The following CELSR1 variants were observed in gnomAD, a reference collection of about 807,000 sequenced individuals.
CELSR1 encodes the protein cadherin EGF LAG seven-pass G-type receptor 1, also known as adhesion G protein-coupled receptor C1.
In CELSR1, 110 loss-of-function variants were observed where a neutral mutation model predicts 249.1. That is an observed-to-expected ratio of 0.44 (90% CI 0.38 to 0.52). The LOEUF (loss-of-function observed/expected upper bound fraction) is 0.52. CELSR1 is among the 20% of genes least tolerant of loss of function. The pLI is 0.00. For missense variants in CELSR1, 4,109 were observed against 4,296.4 expected, an observed-to-expected ratio of 0.96 and a Z score of 1.22; for synonymous variants, 2,113 against 1,900.0, an observed-to-expected ratio of 1.11 and a Z score of -2.92.
intron 5 of CELSR1, among the ~76,000 whole-genome samples, chr22:46,432,448 G>A (rs1006539007): frequency 3.3e-5 from 5 of 152,228 alleles, no homozygotes; most frequent in African/African-American, 9.6e-5. Context: ...TCCGGGAAGC[G>A]GGGCACAGCG....
chr22:46,493,442 A>G (rs2080386284), intron 1 of CELSR1, among the ~76,000 whole-genome samples: 1 of 151,534 alleles, frequency 6.6e-6, no homozygotes, highest in African/African-American at 2.4e-5. Flanking sequence ...GCTACTTGGG[A>G]GGCTGAGGTA....
rs2147216016 is a variant in CELSR1 at position 46,380,894 on chromosome 22, C to A, written c.7150G>T (p.Ala2384Ser). The change falls in exon 22 of 35, where the codon GCT becomes TCT. Residue 2384 changes from alanine to serine, a missense_variant. Physicochemically the swap from Ala to Ser is moderately conservative, Grantham distance 99 (BLOSUM62 1). Transcript: ENST00000674500. The surrounding 1 kb of genome is among the most constrained non-coding windows in gnomAD (Gnocchi z 5.1). Reference sequence around the variant, plus strand: ...CTCTCCAGGGGTCTCGGGAGCGGAGCCCCCTCGCTGTACACCAGCGTGCTC... The same window carrying A: ...CTCTCCAGGGGTCTCGGGAGCGGAGACCCCTCGCTGTACACCAGCGTGCTC... ...MVSTLVYSEG[A>S]PLPRPLERPV... 1 of 1,613,452 alleles carries A rather than the reference C, an allele frequency of 6.2e-7. No individual in the cohort carries two copies. The highest frequency in any genetic ancestry group is 1.7e-4 in the Middle Eastern group (1 of 6,050).
intron 1 of CELSR1, among the ~76,000 whole-genome samples, chr22:46,478,084 A>G (rs1231434429): frequency 6.6e-6 from 1 of 152,140 alleles, no homozygotes; most frequent in African/African-American, 2.4e-5. Flanking sequence ...TGATCACCCA[A>G]ACCTCTGGAC....
chr22:46,530,270 TACAC>T (rs557384645), intron 1 of CELSR1: 2 of 151,188 alleles, frequency 1.3e-5, no homozygotes, highest in South Asian at 1.9e-4. Flanking sequence ...CCCTGTCTCA[TACAC>T]ACACACACAC....
chr22:46,392,348 C>T (rs377322730), intron 14 of CELSR1, among the ~76,000 whole-genome samples: 91 of 152,226 alleles, frequency 6.0e-4, no homozygotes, highest in African/African-American at 2.2e-3. Flanking sequence ...AACCCCGCCC[C>T]GGAAAACGGG....
chr22:46,467,694 C>T lies in CELSR1; in HGVS notation c.3545-3349G>A, dbSNP rs189826576. Among the ~76,000 whole-genome samples the T allele has an allele frequency of 3.5e-3, 537 of 151,630 alleles. 13 individuals carry two copies. The highest frequency in any genetic ancestry group is 0.033 in the Admixed American group (507 of 15,220). On this transcript the variant is annotated intron_variant, in intron 1 of 34. Transcript: ENST00000674500. ...AAAATTAGCCAGGCATGGTGGCAGGCGCCTGTAGTCCCAGCTACTCAGGAG... is the reference window on the plus strand; with the variant it reads ...AAAATTAGCCAGGCATGGTGGCAGGTGCCTGTAGTCCCAGCTACTCAGGAG...
rs2079843562 is a variant in CELSR1, at chr22:46,448,284, G to A, written c.4184-8873C>T. Among the ~76,000 whole-genome samples the A allele has an allele frequency of 6.6e-6, 1 of 152,208 alleles. No homozygotes were observed. Among genetic ancestry groups the A allele is most frequent in the South Asian group, 2.1e-4 (1 of 4,832 alleles). ...AAGCCCAGGGAAGACAGAGGGCATGGGGGTGGGGGCAGAGGGCCCACGCGA... is the reference window on the plus strand; with the variant it reads ...AAGCCCAGGGAAGACAGAGGGCATGAGGGTGGGGGCAGAGGGCCCACGCGA... On this transcript the variant is annotated intron_variant, in intron 2 of 34. Coordinates refer to ENST00000674500, the MANE Select transcript of CELSR1 (RefSeq NM_001378328.1). The surrounding 1 kb of genome is among the most constrained non-coding windows in gnomAD (Gnocchi z 5.7).
chr22:46,424,230 G>C (rs896242535), intron 5 of CELSR1, among the ~76,000 whole-genome samples: 3 of 88,488 alleles, frequency 3.4e-5, no homozygotes, highest in Non-Finnish European at 8.5e-5. Flanking sequence ...CACACACCCG[G>C]CTAATTTTTT....
At chr22:46,384,448 T>C in intron 20 of CELSR1, 95 bp downstream of exon 20, 1 of 1,391,126 alleles carries the variant, frequency 7.2e-7, no homozygotes, top group South Asian at 1.5e-5. Context: ...GCCCAGATCT[T>C]CAGTGCGCAG....
At chr22:46,388,143 G>A (rs1169520212) in intron 18 of CELSR1, among the ~76,000 whole-genome samples, 6 of 152,172 alleles carry the variant, frequency 3.9e-5, no homozygotes, top group Non-Finnish European at 8.8e-5. Flanking sequence ...GAGGTCAGGA[G>A]TTCGAGACCA....
chr22:46,367,184 C>T, intron 28 of CELSR1, 66 bp from the exon 29 acceptor site: 3 of 1,565,268 alleles, frequency 1.9e-6, no homozygotes, highest in Non-Finnish European at 2.6e-6. Flanking sequence ...TTAGGCGCCC[C>T]AGCACAGATG....
In CELSR1 at chr22:46,389,471, T is replaced by C; in HGVS notation, c.6374A>G (p.Gln2125Arg). 1 of 1,613,302 alleles carries C rather than the reference T, an allele frequency of 6.2e-7. No individual in the cohort carries two copies. The highest frequency in any genetic ancestry group is 1.1e-5 in the South Asian group (1 of 91,080). ...MNEKLSRNETQVDGARALQLV... is the reference protein window; with the variant it reads ...MNEKLSRNETRVDGARALQLV... Reference sequence around the variant, plus strand: ...CTGCAGGGCCCTGGCGCCGTCCACCTGCGTCTCATTGCGGCTCAGCTTCTC... The same window carrying C: ...CTGCAGGGCCCTGGCGCCGTCCACCCGCGTCTCATTGCGGCTCAGCTTCTC... Residue 2125 changes from glutamine (Q) to arginine (R), a missense_variant, in exon 18 of 35, where the codon CAG (glutamine) becomes CGG (arginine). By Grantham distance (43) the Gln-to-Arg change is conservative (BLOSUM62 1). Coordinates refer to ENST00000674500, the MANE Select transcript of CELSR1 (RefSeq NM_001378328.1).
chr22:46,382,169 T>C, intron 20 of CELSR1, 119 bp from the exon 21 acceptor site: 2 of 959,074 alleles, frequency 2.1e-6, no homozygotes, highest in Non-Finnish European at 3.0e-6. Context: ...AACAGTACCG[T>C]GGGTCCCCAA....
chr22:46,376,567 G>C (rs959040596), intron 24 of CELSR1, among the ~76,000 whole-genome samples: 1 of 152,092 alleles, frequency 6.6e-6, no homozygotes, highest in Non-Finnish European at 1.5e-5. Context: ...TAGAGATTGG[G>C]TTTTACCATG....
At position 46,386,385 on chromosome 22, in the gene CELSR1, C is replaced by G. The variant is rs780240166; in HGVS notation, c.6739+17G>C. 2.0e-6 allele frequency: 3 copies of G among 1,530,118 alleles called. No homozygotes were observed. The highest frequency in any genetic ancestry group is 2.6e-6 in the Non-Finnish European group (3 of 1,136,176). 94.8% of individuals were successfully genotyped at this position (1,530,118 alleles called of 1,614,324 possible). A position where few individuals can be genotyped will look rare whatever the true frequency, so the allele number is the denominator to read the frequency against. The stretch of plus-strand genomic sequence containing the variant: ...GATGGTAGCAGGGTTCCACCCCCAA[C>G]GCAGCCAGCGCCTTACTCATGTTGG... On this transcript the variant is annotated intron_variant, in intron 19 of 34. Coordinates refer to ENST00000674500, the MANE Select transcript of CELSR1 (RefSeq NM_001378328.1).
rs1394450208 is a variant in CELSR1 at position 46,398,986 on chromosome 22, G to A, written c.5413-349C>T. On this transcript the variant is annotated intron_variant, in intron 10 of 34. Transcript: ENST00000674500. The surrounding 1 kb of genome is among the most constrained non-coding windows in gnomAD (Gnocchi z 7.2). Reference sequence around the variant, plus strand: ...GCGAGTCAGGAAGACTGCAGTGAACGGAAATCCGCTCACTCATTAACACTG... The same window carrying A: ...GCGAGTCAGGAAGACTGCAGTGAACAGAAATCCGCTCACTCATTAACACTG... Among the ~76,000 whole-genome samples, 3 of 152,214 alleles carry A rather than the reference G, an allele frequency of 2.0e-5. No individual in the cohort carries two copies. The highest frequency in any genetic ancestry group is 2.9e-5 in the Non-Finnish European group (2 of 68,018).
rs1402676822 is a variant in CELSR1, at chr22:46,394,151, G to A, written c.5955C>T (p.Cys1985=). Residue 1985 remains cysteine (C), a synonymous_variant, in exon 14 of 35, where the codon TGC becomes TGT. Coordinates refer to ENST00000674500, the MANE Select transcript of CELSR1 (RefSeq NM_001378328.1). ...DPDCNKTNGQ[C]QCKENYYKLL... ...GGGGGCGGGGCCTCACCTTGCATTG[G>A]CACTGGCCGTTGGTCTTATTACAGT... 11 of 1,613,800 alleles carry A rather than the reference G, an allele frequency of 6.8e-6. No homozygotes were observed. The highest frequency in any genetic ancestry group is 1.1e-5 in the South Asian group (1 of 91,050).
chr22:46,526,913 C>A lies in CELSR1; in HGVS notation c.3544+6714G>T, dbSNP rs557054252. 3.9e-5 allele frequency among the ~76,000 whole-genome samples: 6 copies of A among 152,346 alleles called. No homozygotes were observed. Among genetic ancestry groups the A allele is most frequent in the Admixed American group, 3.9e-4 (6 of 15,310 alleles). Reference sequence around the variant, plus strand: ...CCAAAAATGGCCTCACGTCTTCTCACCAAAGCCGATTCCCGGTAAGGACTC... The same window carrying A: ...CCAAAAATGGCCTCACGTCTTCTCAACAAAGCCGATTCCCGGTAAGGACTC... On this transcript the variant is annotated intron_variant, in intron 1 of 34. Transcript: ENST00000674500. This position sits in a 1 kb window ranked among gnomAD's most constrained non-coding sequence, Gnocchi z 4.7.
Position 46,439,042 on chromosome 22 carries a change from G to A in CELSR1, c.4406+147C>T, listed in dbSNP as rs949110375. ...CAAAGTGCTGGGATTACAGGCGTGA[G>A]CCACCGCGCCTGGCCTGGAGCTACT... is the stretch of plus-strand genomic sequence containing the variant. On this transcript the variant is annotated intron_variant, in intron 3 of 34. Coordinates refer to ENST00000674500, the MANE Select transcript of CELSR1 (RefSeq NM_001378328.1). The A allele has an allele frequency of 4.9e-5, 38 of 772,448 alleles. No homozygotes were observed. The South Asian group carries it at 5.3e-4, about 11-fold the overall frequency. The allele number at this position is 772,448 out of a possible 1,614,324, so 47.8% of individuals were successfully genotyped here. A position where few individuals can be genotyped will look rare whatever the true frequency, so the allele number is the denominator to read the frequency against.
Sources: gnomAD v4.1 joint callset for allele counts (sites outside exome capture counted in the v4.1 genomes callset) on GRCh38, gnomAD v4.1.1 for gene constraint, Gnocchi (gnomAD v3.1) non-coding constraint, MANE v1.5 for transcripts, NCBI Gene and HGNC (gene_info 2026-07-23, HGNC 2026-07-21) for gene names.